Variants in FHL2 observed in about 807,000 individuals in gnomAD.
The protein encoded by FHL2 is four and a half LIM domains 2.
A neutral mutation model predicts 32.7 loss-of-function variants in FHL2; 20 were observed. The ratio of observed to expected loss-of-function variants is 0.61; its 90% CI spans 0.43 to 0.89. The LOEUF (loss-of-function observed/expected upper bound fraction) is 0.89. FHL2 is among the 40% of genes least tolerant of loss of function. FHL2 has a pLI of 0.00. For missense variants in FHL2, 311 were observed against 358.6 expected (o/e 0.87, Z 1.07); for synonymous variants, 123 against 128.1 (o/e 0.96, Z 0.27).
chr2:105,396,550 G>A (rs1480805258), intron 2 of FHL2, 97 bp downstream of exon 2: 16 of 1,085,626 alleles, frequency 1.5e-5, no homozygotes, highest in East Asian at 4.8e-5. Context: ...TTTGGGCACC[G>A]CATGGCCCAG....
chr2:105,400,402 G>A (rs569016472), upstream of FHL2, among the ~76,000 whole-genome samples: 5 of 149,838 alleles, frequency 3.3e-5, no homozygotes, highest in African/African-American at 1.2e-4. Context: ...CCCTGAAACA[G>A]GACGCTTTCC....
At chr2:105,393,752 A>G (rs997998228) in intron 2 of FHL2, among the ~76,000 whole-genome samples, 24 of 152,270 alleles carry the variant, frequency 1.6e-4, no homozygotes, top group African/African-American at 5.8e-4. Flanking sequence ...TCCACTCTGC[A>G]TAGCAAACCC....
intron 5 of FHL2, among the ~76,000 whole-genome samples, chr2:105,365,498 T>C (rs1192204122): frequency 6.6e-6 from 1 of 152,106 alleles, no homozygotes; most frequent in African/African-American, 2.4e-5. Context: ...GCAACTCAGA[T>C]GAACTTCCGT....
chr2:105,358,337 G>A (rs1018281460), downstream of FHL2: 1 of 152,402 alleles, frequency 6.6e-6, no homozygotes, highest in East Asian at 1.9e-4. Context: ...CCTTCTCTGT[G>A]AGTGGGTTGA....
chr2:105,381,772 C>T (rs1383423626), intron 3 of FHL2, among the ~76,000 whole-genome samples: 2 of 152,042 alleles, frequency 1.3e-5, no homozygotes, highest in African/African-American at 2.4e-5. Flanking sequence ...GGAAGAAGAT[C>T]CAAGAAGGTA....
At chr2:105,409,257 T>A (rs1464289677) in intron 1 of FHL2, among the ~76,000 whole-genome samples, 1 of 151,882 alleles carries the variant, frequency 6.6e-6, no homozygotes, top group Non-Finnish European at 1.5e-5. Flanking sequence ...ATTCAAGGAG[T>A]CTGCACTTGG....
chr2:105,432,128 T>G lies in FHL2; in HGVS notation c.-25+6271A>C, dbSNP rs142823969. Among the ~76,000 whole-genome samples, 366 of 152,352 alleles carry G rather than the reference T, an allele frequency of 2.4e-3. 3 individuals are homozygous for G. The highest frequency in any genetic ancestry group is 8.4e-3 in the African/African-American group (348 of 41,584). On this transcript the variant is annotated intron_variant, in intron 1 of 5. Transcript: ENST00000393352. ...TCCTTGCTGCCTGCAGAGATTTTCC[T>G]TCTGAGAGTGTTTGTAGACATGAAA...
intron 1 of FHL2, among the ~76,000 whole-genome samples, chr2:105,397,438 C>T (rs773218276): frequency 3.7e-4 from 56 of 152,266 alleles, no homozygotes; most frequent in Non-Finnish European, 6.5e-4. Context: ...CGAGACACTA[C>T]GAGATTAAGT....
At chr2:105,367,316 T>C (rs77339119) in intron 5 of FHL2, among the ~76,000 whole-genome samples, 1,871 of 152,278 alleles carry the variant, frequency 0.012, 50 homozygotes, top group African/African-American at 0.043. Flanking sequence ...CATAAGAACA[T>C]ATTTAGAAAT....
intron 3 of FHL2, among the ~76,000 whole-genome samples, chr2:105,380,855 T>C (rs530330805): frequency 6.6e-6 from 1 of 152,358 alleles, no homozygotes; most frequent in African/African-American, 2.4e-5. Flanking sequence ...AGAAATGTCA[T>C]ACATTGCAGT....
intron 1 of FHL2, among the ~76,000 whole-genome samples, chr2:105,406,175 G>C (rs1239975402): frequency 6.6e-6 from 1 of 152,200 alleles, no homozygotes; most frequent in Non-Finnish European, 1.5e-5. Context: ...GTTGACTGCT[G>C]AAGTACCAGA....
chr2:105,428,467 T>C (rs751819688), intron 1 of FHL2, among the ~76,000 whole-genome samples: 23 of 152,232 alleles, frequency 1.5e-4, no homozygotes, highest in Non-Finnish European at 2.6e-4. Context: ...GCTGGTTTGC[T>C]GGGCCTTGGA....
chr2:105,422,389 G>T (rs1292243426), intron 1 of FHL2, among the ~76,000 whole-genome samples: 1 of 152,172 alleles, frequency 6.6e-6, no homozygotes, highest in Non-Finnish European at 1.5e-5. Context: ...GATCCTTGGT[G>T]CTTCTCAGAT....
intron 1 of FHL2, among the ~76,000 whole-genome samples, chr2:105,420,645 G>A (rs1422819914): frequency 6.6e-6 from 1 of 152,124 alleles, no homozygotes; most frequent in Admixed American, 6.5e-5. Flanking sequence ...AACCTTTTTG[G>A]CACCAGGGAC....
At chr2:105,385,132 G>A (rs188757792) in intron 3 of FHL2, among the ~76,000 whole-genome samples, 1 of 152,268 alleles carries the variant, frequency 6.6e-6, no homozygotes, top group African/African-American at 2.4e-5. Context: ...CACAGCATCT[G>A]CCCTGAAGCC....
intron 1 of FHL2, among the ~76,000 whole-genome samples, chr2:105,428,309 G>C (rs1213595791): frequency 6.6e-6 from 1 of 152,224 alleles, no homozygotes; most frequent in African/African-American, 2.4e-5. Flanking sequence ...AGATTTGGGA[G>C]CCAGGGGCTT....
At chr2:105,437,638 A>G (rs1684654127) in intron 1 of FHL2, among the ~76,000 whole-genome samples, 1 of 152,194 alleles carries the variant, frequency 6.6e-6, no homozygotes, top group South Asian at 2.1e-4. Flanking sequence ...TTCTTTTTAG[A>G]TTAGACTTGA....
intron 1 of FHL2, among the ~76,000 whole-genome samples, chr2:105,404,362 G>T (rs1373272529): frequency 6.6e-6 from 1 of 152,218 alleles, no homozygotes. Flanking sequence ...ATGCTGGCGG[G>T]AAGGGGTCAG....
intron 1 of FHL2, among the ~76,000 whole-genome samples, chr2:105,425,424 A>G (rs1229338695): frequency 6.6e-6 from 1 of 152,148 alleles, no homozygotes; most frequent in African/African-American, 2.4e-5. Context: ...ATAGTCTGAA[A>G]TATGGCCTTG....
Sources: allele counts gnomAD v4.1 joint callset (sites outside exome capture counted in the v4.1 genomes callset), GRCh38; gene constraint gnomAD v4.1.1; transcripts MANE v1.5; gene names NCBI Gene and HGNC (gene_info 2026-07-23, HGNC 2026-07-21).